Variants in C8orf34 observed in about 807,000 individuals in gnomAD.
C8orf34 encodes the protein chromosome 8 open reading frame 34, also known as uncharacterized protein C8orf34.
In C8orf34, 65 loss-of-function variants were observed where a neutral mutation model predicts 68.3. That is an observed-to-expected ratio of 0.95 (90% CI 0.78 to 1.17). C8orf34 has a LOEUF of 1.17. C8orf34 is among the 50% of genes most tolerant of loss of function. The pLI is 0.00. For missense variants in C8orf34, 664 were observed against 655.4 expected, an observed-to-expected ratio of 1.01 and a Z score of -0.14; for synonymous variants, 244 against 241.2, an observed-to-expected ratio of 1.01 and a Z score of -0.11.
rs1166417575 is a variant in C8orf34, at chr8:68,640,494, C to T, written c.1224C>T (p.Ile408=). 9 of 1,613,634 alleles carry T rather than the reference C, an allele frequency of 5.6e-6. No homozygotes were observed. The change falls in exon 8 of 14, where the codon ATC becomes ATT. Residue 408 remains isoleucine, a synonymous_variant. Transcript: ENST00000518698. ...AEPQAKVTLN[I]CSRCARLQGD... Reference sequence around the variant, plus strand: ...CTCAGGCCAAGGTCACACTGAACATCTGTTCAAGGTGTGCCAGGTAAAAGA... The same window carrying T: ...CTCAGGCCAAGGTCACACTGAACATTTGTTCAAGGTGTGCCAGGTAAAAGA...
chr8:68,462,687 G>C (rs1393087774), intron 3 of C8orf34, among the ~76,000 whole-genome samples: 1 of 151,974 alleles, frequency 6.6e-6, no homozygotes, highest in Non-Finnish European at 1.5e-5. Flanking sequence ...GCTCCTGAAT[G>C]ACTACTGGGT....
At position 68,811,490 on chromosome 8, in the gene C8orf34, A is replaced by G. The variant is rs559370118; in HGVS notation, c.1550-4396A>G. Among the ~76,000 whole-genome samples, 13 of 152,232 alleles carry G rather than the reference A, an allele frequency of 8.5e-5. No individual in the cohort carries two copies. The East Asian group carries it at 2.5e-3, about 29-fold the overall frequency. On this transcript the variant is annotated intron_variant, in intron 12 of 13. Coordinates refer to ENST00000518698, the MANE Select transcript of C8orf34 (RefSeq NM_052958.4). ...CAGCTTCCACCTTTTCCCAGCTCCC[A>G]TTGGCTCCATGGAGTGCACATCCCT...
At chr8:68,704,800 A>T (rs1225525003) in intron 8 of C8orf34, among the ~76,000 whole-genome samples, 1 of 150,438 alleles carries the variant, frequency 6.6e-6, no homozygotes, top group Admixed American at 6.7e-5. Flanking sequence ...ATTGAGAGCA[A>T]CATGAGTATA....
rs1241617995 is a variant in C8orf34 at position 68,514,964 on chromosome 8, CAG to C, written c.766-6834_766-6833del. ...TATGGGAATCAGCAAACAAAATGAA[CAG>C]GGGGGAATGGAACAGATATGAGTCA... On this transcript the variant is annotated intron_variant, in intron 5 of 13. Transcript: ENST00000518698. Among the ~76,000 whole-genome samples, 10 of 152,106 alleles carry C rather than the reference CAG, an allele frequency of 6.6e-5. No homozygotes were observed. In the South Asian group the frequency reaches 1.9e-3, roughly 29 times the overall value.
intron 10 of C8orf34, among the ~76,000 whole-genome samples, chr8:68,758,667 TGGGAACCTG>T (rs1822938688): frequency 6.6e-6 from 1 of 152,118 alleles, no homozygotes; most frequent in South Asian, 2.1e-4. Flanking sequence ...GCTTTCTGCG[TGGGAACCTG>T]GGGGCTTTGC....
At chr8:68,435,453 G>A (rs1039394458) in intron 1 of C8orf34, among the ~76,000 whole-genome samples, 13 of 152,088 alleles carry the variant, frequency 8.5e-5, no homozygotes, top group African/African-American at 2.7e-4. Flanking sequence ...GAATATACCA[G>A]CCTGCAGCAG....
At position 68,473,643 on chromosome 8, in the gene C8orf34, C is replaced by A. The variant is rs923235859; in HGVS notation, c.736+4823C>A. On this transcript the variant is annotated intron_variant, in intron 4 of 13. Transcript: ENST00000518698. ...GGGCTGCTTTTCATTAAAAGGAAAA[C>A]CTTACTGAGGGCTTCCTTACCCTCA... 2.0e-5 allele frequency among the ~76,000 whole-genome samples: 3 copies of A among 152,214 alleles called. No individual in the cohort carries two copies. The South Asian group carries it at 6.2e-4, about 32-fold the overall frequency.
chr8:68,395,240 GT>G (rs375009504), intron 1 of C8orf34, among the ~76,000 whole-genome samples: 23 of 148,552 alleles, frequency 1.5e-4, no homozygotes, highest in East Asian at 9.9e-4. Context: ...TAGAACAAGG[GT>G]TTTTTTTTTC....
chr8:68,488,987 C>CA (rs750666754), intron 5 of C8orf34, among the ~76,000 whole-genome samples: 145 of 124,930 alleles, frequency 1.2e-3, no homozygotes, highest in Non-Finnish European at 2.2e-3. Flanking sequence ...AACGAATTTA[C>CA]GTTTTTTTTT....
At chr8:68,375,355 A>G (rs1197277429) in intron 1 of C8orf34, among the ~76,000 whole-genome samples, 1 of 152,236 alleles carries the variant, frequency 6.6e-6, no homozygotes, top group African/African-American at 2.4e-5. Flanking sequence ...ACATAATAAA[A>G]CACATGTAAA....
At chr8:68,601,191 T>C (rs955455240) in intron 7 of C8orf34, among the ~76,000 whole-genome samples, 2 of 152,158 alleles carry the variant, frequency 1.3e-5, no homozygotes, top group South Asian at 2.1e-4. Context: ...TACTTTTTTT[T>C]AGTTTTTATA....
intron 10 of C8orf34, among the ~76,000 whole-genome samples, chr8:68,721,693 T>C (rs1476585069): frequency 6.6e-6 from 1 of 152,158 alleles, no homozygotes; most frequent in Admixed American, 6.6e-5. Context: ...TAAGTTTAAC[T>C]ATACTTACCT....
At chr8:68,724,407 T>A (rs1435452657) in intron 10 of C8orf34, among the ~76,000 whole-genome samples, 1 of 152,198 alleles carries the variant, frequency 6.6e-6, no homozygotes, top group Non-Finnish European at 1.5e-5. Context: ...ACACAGGCTG[T>A]CTCTATTTGC....
chr8:68,494,673 G>A (rs1813448812), intron 5 of C8orf34, among the ~76,000 whole-genome samples: 1 of 151,966 alleles, frequency 6.6e-6, no homozygotes, highest in South Asian at 2.1e-4. Flanking sequence ...TGGCCAACAT[G>A]GTGAAACCCT....
At chr8:68,535,604 T>C in intron 7 of C8orf34, 1 of 677,104 alleles carries the variant, frequency 1.5e-6, no homozygotes, top group Non-Finnish European at 1.8e-6. Flanking sequence ...TGTTAATATA[T>C]ACTGATTAAT....
intron 12 of C8orf34, among the ~76,000 whole-genome samples, chr8:68,789,415 T>G (rs1428390628): frequency 6.6e-6 from 1 of 152,234 alleles, no homozygotes; most frequent in Non-Finnish European, 1.5e-5. Context: ...AGTTTCAAAT[T>G]TAGTCTTCTT....
chr8:68,388,572 A>G (rs1280325619), intron 1 of C8orf34, among the ~76,000 whole-genome samples: 2 of 152,080 alleles, frequency 1.3e-5, no homozygotes, highest in South Asian at 2.1e-4. Flanking sequence ...ACTCACACAC[A>G]TAGTTTAGCC....
intron 7 of C8orf34, among the ~76,000 whole-genome samples, chr8:68,550,440 T>C (rs1816027526): frequency 6.6e-6 from 1 of 151,892 alleles, no homozygotes; most frequent in Non-Finnish European, 1.5e-5. Context: ...TATATACATA[T>C]GCATACACAC....
At chr8:68,657,185 C>T (rs1819534175) in intron 8 of C8orf34, among the ~76,000 whole-genome samples, 1 of 152,164 alleles carries the variant, frequency 6.6e-6, no homozygotes. Flanking sequence ...TATCCAAATA[C>T]TCACTGTTTA....
Sources: allele counts gnomAD v4.1 joint callset (sites outside exome capture counted in the v4.1 genomes callset), GRCh38; gene constraint gnomAD v4.1.1; transcripts MANE v1.5; gene names NCBI Gene and HGNC (gene_info 2026-07-23, HGNC 2026-07-21).